Variants in NXPE4 observed in about 807,000 individuals in gnomAD.
The protein encoded by NXPE4 is neurexophilin and PC-esterase domain family member 4.
Under a neutral mutation model 33.3 loss-of-function variants are expected in NXPE4, and 42 were observed. The observed-to-expected ratio is 1.26, with a 90% CI of 0.98 to 1.63. NXPE4 has a LOEUF of 1.63. Ranked by LOEUF, NXPE4 falls within the 40% of genes most tolerant of loss-of-function variation. The probability of loss-of-function intolerance (pLI) is 0.00; values close to 1 mark genes in which losing one functional copy is unlikely to be tolerated. For synonymous variants in NXPE4, 253 were observed against 234.9 expected (o/e 1.08, Z -0.71); for missense variants, 709 against 647.6 (o/e 1.09, Z -1.03).
the NXPE4 span, among the ~76,000 whole-genome samples, chr11:114,647,167 C>A: frequency 4.6e-5 from 7 of 152,306 alleles, no homozygotes; most frequent in Middle Eastern, 3.4e-3. Context: ...ATTCTCATTA[C>A]CTGAATGGAT....
At chr11:114,618,617 G>A in the NXPE4 span, among the ~76,000 whole-genome samples, 4 of 151,966 alleles carry the variant, frequency 2.6e-5, no homozygotes, top group South Asian at 6.2e-4. Flanking sequence ...AATAAGTATT[G>A]CCTTGTGAGT....
chr11:114,663,396 C>T, the NXPE4 span, among the ~76,000 whole-genome samples: 3 of 152,036 alleles, frequency 2.0e-5, no homozygotes, highest in South Asian at 6.2e-4. Context: ...TAAATGGTTG[C>T]AGGTAACAAA....
the NXPE4 span, among the ~76,000 whole-genome samples, chr11:114,644,190 G>T: frequency 6.6e-6 from 1 of 152,218 alleles, no homozygotes; most frequent in African/African-American, 2.4e-5. Flanking sequence ...ATACAATCAT[G>T]GCATCTGCAA....
the NXPE4 span, among the ~76,000 whole-genome samples, chr11:114,674,765 C>A: frequency 6.6e-6 from 1 of 151,784 alleles, no homozygotes; most frequent in African/African-American, 2.4e-5. Context: ...CTCTTCCAAA[C>A]AATTGAAGTA....
the NXPE4 span, among the ~76,000 whole-genome samples, chr11:114,601,876 A>ATATAATATATATTATATTTATATATAT: frequency 6.5e-4 from 3 of 4,644 alleles, no homozygotes; most frequent in African/African-American, 2.1e-3. Context: ...TATATATATT[A>ATATAATATATATTATATTTATATATAT]TATATAATTA....
At chr11:114,675,300 C>A in the NXPE4 span, among the ~76,000 whole-genome samples, 1 of 151,798 alleles carries the variant, frequency 6.6e-6, no homozygotes, top group African/African-American at 2.4e-5. Flanking sequence ...TACTGGAAGT[C>A]CTAGCCAGAA....
the NXPE4 span, among the ~76,000 whole-genome samples, chr11:114,613,570 G>A: frequency 2.0e-5 from 3 of 151,866 alleles, no homozygotes; most frequent in Admixed American, 6.6e-5. Flanking sequence ...TGCCTATTGG[G>A]TAACCACTGT....
chr11:114,582,144 C>T, intron 3 of NXPE4, 144 bp downstream of exon 3: 2 of 855,502 alleles, frequency 2.3e-6, no homozygotes, highest in South Asian at 2.0e-5. Flanking sequence ...GGCACTGTCT[C>T]TAAATGAATT....
chr11:114,660,257 T>C, the NXPE4 span, among the ~76,000 whole-genome samples: 6 of 151,976 alleles, frequency 3.9e-5, no homozygotes, highest in Non-Finnish European at 1.5e-5. Flanking sequence ...ATTCTACTGA[T>C]TTTTTTCAGA....
intron 2 of NXPE4, among the ~76,000 whole-genome samples, chr11:114,594,035 G>T (rs1408507391): frequency 6.6e-6 from 1 of 152,068 alleles, no homozygotes; most frequent in Non-Finnish European, 1.5e-5. Context: ...GAAGGGTGGT[G>T]GGGGCATGGA....
chr11:114,601,921 TAATATATTTATA>T, the NXPE4 span, among the ~76,000 whole-genome samples: 2 of 55,998 alleles, frequency 3.6e-5, no homozygotes, highest in African/African-American at 6.4e-5. Context: ...TAATTATATA[TAATATATTTATA>T]TATATTATAT....
intron 2 of NXPE4, among the ~76,000 whole-genome samples, chr11:114,588,208 C>T (rs1949354614): frequency 6.6e-6 from 1 of 152,126 alleles, no homozygotes; most frequent in Non-Finnish European, 1.5e-5. Flanking sequence ...TCCAGCTGTG[C>T]CATCAGGTCC....
intron 2 of NXPE4, chr11:114,584,354 T>C: frequency 2.3e-6 from 1 of 428,368 alleles, no homozygotes. Flanking sequence ...CAGTGGCTGT[T>C]TGAGAACCTA....
At chr11:114,619,750 T>C in the NXPE4 span, among the ~76,000 whole-genome samples, 1 of 152,124 alleles carries the variant, frequency 6.6e-6, no homozygotes, top group Non-Finnish European at 1.5e-5. Context: ...AAGTATTGCC[T>C]CTTGGGTAAC....
At chr11:114,634,616 A>C in the NXPE4 span, among the ~76,000 whole-genome samples, 6 of 152,016 alleles carry the variant, frequency 3.9e-5, no homozygotes, top group Non-Finnish European at 5.9e-5. Flanking sequence ...TTAAGTCTTT[A>C]ATACATTTTG....
intron 5 of NXPE4, among the ~76,000 whole-genome samples, chr11:114,574,967 A>G (rs1948964996): frequency 6.6e-6 from 1 of 152,158 alleles, no homozygotes; most frequent in African/African-American, 2.4e-5. Flanking sequence ...AACCAAATCC[A>G]ATGGCATATC....
chr11:114,588,899 T>C (rs1028877417), intron 2 of NXPE4, among the ~76,000 whole-genome samples: 3 of 152,104 alleles, frequency 2.0e-5, no homozygotes, highest in African/African-American at 7.2e-5. Flanking sequence ...AGAAGGAAAC[T>C]ACAGAAGTAG....
chr11:114,636,765 G>C, the NXPE4 span, among the ~76,000 whole-genome samples: 3 of 152,028 alleles, frequency 2.0e-5, no homozygotes, highest in African/African-American at 7.2e-5. Flanking sequence ...CCATGTAGTT[G>C]AGTAGTTTTG....
At chr11:114,616,426 A>G in the NXPE4 span, among the ~76,000 whole-genome samples, 1 of 151,764 alleles carries the variant, frequency 6.6e-6, no homozygotes, top group East Asian at 1.9e-4. Flanking sequence ...CTGGTGAATA[A>G]TAAGTGTTGC....
Sources: allele counts gnomAD v4.1 joint callset (sites outside exome capture counted in the v4.1 genomes callset), GRCh38; gene constraint gnomAD v4.1.1; transcripts MANE v1.5; gene names NCBI Gene and HGNC (gene_info 2026-07-23, HGNC 2026-07-21).